MEGF11: variants seen among roughly 807,000 people sequenced by gnomAD.
MEGF11 encodes the protein multiple epidermal growth factor-like domains protein 11.
A neutral mutation model predicts 146.6 loss-of-function variants in MEGF11; 126 were observed. That is an observed-to-expected ratio of 0.86 (90% CI 0.74 to 1.00). MEGF11 has a LOEUF of 1.00. MEGF11 is among the 50% of genes least tolerant of loss of function. MEGF11 has a pLI of 0.00. For synonymous variants in MEGF11, 532 were observed against 583.4 expected (o/e 0.91, Z 1.27); for missense variants, 1,509 against 1,521.2 (o/e 0.99, Z 0.13).
intron 13 of MEGF11, among the ~76,000 whole-genome samples, chr15:65,927,345 C>T (rs576012494): frequency 2.6e-5 from 4 of 152,184 alleles, no homozygotes; most frequent in Non-Finnish European, 5.9e-5. Context: ...AGTCTTGCTC[C>T]AGAGCTGGGT....
chr15:65,985,257 C>G (rs888147845), intron 5 of MEGF11, among the ~76,000 whole-genome samples: 1 of 152,178 alleles, frequency 6.6e-6, no homozygotes, highest in African/African-American at 2.4e-5. Flanking sequence ...GCCCAGCTCT[C>G]CTGGTTCTAG....
rs972920084 is a variant in MEGF11 at position 66,236,704 on chromosome 15, G to A, written c.-9+16901C>T. 3.9e-4 allele frequency among the ~76,000 whole-genome samples: 60 copies of A among 152,232 alleles called. No homozygotes were observed. In the Middle Eastern group the frequency reaches 0.01, roughly 26 times the overall value. ...CAGGAAGGGTCCCCAGTGAGCCTCC[G>A]TGCCTCCTGGCTGTGGTGGTTGTTT... is the stretch of plus-strand genomic sequence containing the variant. On this transcript the variant is annotated intron_variant, in intron 1 of 25. Coordinates refer to ENST00000395614, the MANE Select transcript of MEGF11 (RefSeq NM_001385028.1).
intron 5 of MEGF11, among the ~76,000 whole-genome samples, chr15:66,072,816 G>A (rs922548827): frequency 6.6e-6 from 1 of 152,176 alleles, no homozygotes; most frequent in African/African-American, 2.4e-5. Flanking sequence ...TGCCTGGCTC[G>A]CTCCAGCAGT....
intron 5 of MEGF11, among the ~76,000 whole-genome samples, chr15:66,016,899 TG>T: frequency 6.6e-6 from 1 of 152,274 alleles, no homozygotes; most frequent in South Asian, 2.1e-4. Flanking sequence ...TGGCCTAACT[TG>T]GGCAGGGACT....
chr15:66,186,219 A>G (rs1337196782), intron 1 of MEGF11, among the ~76,000 whole-genome samples: 1 of 152,234 alleles, frequency 6.6e-6, no homozygotes, highest in Non-Finnish European at 1.5e-5. Context: ...TCCGGGAAGC[A>G]GAGAGGGTGA....
At chr15:66,234,165 C>G (rs1223066580) in intron 1 of MEGF11, among the ~76,000 whole-genome samples, 1 of 152,064 alleles carries the variant, frequency 6.6e-6, no homozygotes, top group Non-Finnish European at 1.5e-5. Context: ...TCCCAAAGTG[C>G]TGGGATTACA....
At chr15:66,054,707 T>C (rs1429848237) in intron 5 of MEGF11, among the ~76,000 whole-genome samples, 1 of 152,196 alleles carries the variant, frequency 6.6e-6, no homozygotes, top group African/African-American at 2.4e-5. Flanking sequence ...TACTCTACTA[T>C]ATAAAGTCTT....
At chr15:65,955,695 G>A (rs2080561367) in intron 10 of MEGF11, among the ~76,000 whole-genome samples, 1 of 126,602 alleles carries the variant, frequency 7.9e-6, no homozygotes, top group Admixed American at 8.8e-5. Context: ...AATGAGCCGA[G>A]ATTGTGCCAC....
chr15:65,937,833 AGT>A (rs1398235552), intron 10 of MEGF11, among the ~76,000 whole-genome samples: 1 of 152,258 alleles, frequency 6.6e-6, no homozygotes, highest in Non-Finnish European at 1.5e-5. Context: ...TTGGTGTTTC[AGT>A]TAACTTCATC....
chr15:65,971,823 TG>T (rs1382463968), intron 7 of MEGF11, among the ~76,000 whole-genome samples: 1 of 151,364 alleles, frequency 6.6e-6, no homozygotes, highest in Non-Finnish European at 1.5e-5. Flanking sequence ...AGAGAAACAC[TG>T]AAATAAACAA....
chr15:65,913,974 C>T lies in MEGF11; in HGVS notation c.2474-1G>A, dbSNP rs762235911. On this transcript the variant is annotated splice_acceptor_variant, in intron 19 of 25. Coordinates refer to ENST00000395614, the MANE Select transcript of MEGF11 (RefSeq NM_001385028.1). LOFTEE classifies it high-confidence loss of function. ...TTCAGCTCCTCCATCATGAGGGCAG[C>T]TGCGGGCAGAGGGAGGGCCTGAGCC... is the stretch of plus-strand genomic sequence containing the variant. The T allele has an allele frequency of 6.2e-7, 1 of 1,612,954 alleles. No homozygotes were observed. The highest frequency in any genetic ancestry group is 8.5e-7 in the Non-Finnish European group (1 of 1,179,252).
At chr15:66,199,044 C>A (rs2091083955) in intron 1 of MEGF11, among the ~76,000 whole-genome samples, 1 of 152,130 alleles carries the variant, frequency 6.6e-6, no homozygotes, top group Non-Finnish European at 1.5e-5. Context: ...TGCACTGGGG[C>A]CCTACAACCT....
At chr15:66,096,202 G>A (rs1315964861) in intron 4 of MEGF11, among the ~76,000 whole-genome samples, 4 of 152,176 alleles carry the variant, frequency 2.6e-5, no homozygotes, top group East Asian at 1.9e-4. Context: ...GGGCTCATCC[G>A]TGTTACAGCT....
chr15:66,110,150 G>T (rs2140850639), intron 4 of MEGF11, among the ~76,000 whole-genome samples: 1 of 152,288 alleles, frequency 6.6e-6, no homozygotes, highest in East Asian at 1.9e-4. Flanking sequence ...ATTAACAGAA[G>T]GGGGAATCCA....
intron 1 of MEGF11, among the ~76,000 whole-genome samples, chr15:66,158,870 C>T (rs1042728742): frequency 5.9e-5 from 9 of 152,180 alleles, no homozygotes; most frequent in African/African-American, 9.7e-5. Context: ...ATCCAGTCTC[C>T]GCTTAATATC....
intron 1 of MEGF11, among the ~76,000 whole-genome samples, chr15:66,183,942 A>G (rs140625935): frequency 6.6e-6 from 1 of 152,204 alleles, no homozygotes; most frequent in Admixed American, 6.5e-5. Flanking sequence ...TCTCAAAATA[A>G]TTATGCTGCA....
chr15:66,112,960 G>C (rs2087512228), intron 4 of MEGF11, among the ~76,000 whole-genome samples: 1 of 152,202 alleles, frequency 6.6e-6, no homozygotes, highest in Admixed American at 6.5e-5. Context: ...AAGAGATGAT[G>C]AGCAAAGGAA....
At chr15:65,910,369 C>T (rs1030484387) in intron 21 of MEGF11, among the ~76,000 whole-genome samples, 2 of 149,280 alleles carry the variant, frequency 1.3e-5, no homozygotes, top group African/African-American at 5.2e-5. Flanking sequence ...GGATGGTTAT[C>T]CTCATTTCAC....
intron 5 of MEGF11, among the ~76,000 whole-genome samples, chr15:66,037,346 C>G (rs2083764718): frequency 6.6e-6 from 1 of 152,246 alleles, no homozygotes; most frequent in Non-Finnish European, 1.5e-5. Context: ...AACCCACTAT[C>G]TGCCAAAATG....
Sources: gnomAD v4.1 joint callset for allele counts (sites outside exome capture counted in the v4.1 genomes callset) on GRCh38, gnomAD v4.1.1 for gene constraint, MANE v1.5 for transcripts, NCBI Gene and HGNC (gene_info 2026-07-23, HGNC 2026-07-21) for gene names.